MTMR8: variants seen among roughly 807,000 people sequenced by gnomAD.
MTMR8 encodes the protein phosphatidylinositol-3,5-bisphosphate 3-phosphatase MTMR8.
MTMR8 carries 65 observed loss-of-function variants against 39.3 expected under a neutral mutation model. The ratio of observed to expected loss-of-function variants is 1.65; its 90% CI spans 1.35 to 2.03. MTMR8 has a LOEUF of 2.03. Ranked by LOEUF, MTMR8 falls within the 30% of genes most tolerant of loss-of-function variation. The pLI is 0.00. For synonymous variants in MTMR8, 245 were observed against 185.2 expected, an observed-to-expected ratio of 1.32 and a Z score of -2.62; for missense variants, 777 against 538.9, an observed-to-expected ratio of 1.44 and a Z score of -4.37.
chrX:64,280,920 G>A (rs751149781), intron 12 of MTMR8, among the ~76,000 whole-genome samples: 1 of 111,255 alleles, frequency 9.0e-6, no homozygotes, highest in South Asian at 3.8e-4. Context: ...CAAGCAGAGA[G>A]TCAAATCATG....
chrX:64,278,900 C>T (rs1931943828), intron 12 of MTMR8, among the ~76,000 whole-genome samples: 1 of 111,798 alleles, frequency 8.9e-6, no homozygotes, highest in African/African-American at 3.3e-5. Context: ...CCAGTGGAGG[C>T]TGCAGAATAG....
At position 64,378,692 on chromosome X, in the gene MTMR8, C is replaced by T. The variant is rs1274876439; in HGVS notation, c.24+16648G>A. Among the ~76,000 whole-genome samples the T allele has an allele frequency of 4.5e-5, 5 of 111,806 alleles. No individual in the cohort carries two copies. The Admixed American group carries it at 4.7e-4, about 11-fold the overall frequency. On this transcript the variant is annotated intron_variant, in intron 1 of 13. Coordinates refer to ENST00000374852, the MANE Select transcript of MTMR8 (RefSeq NM_017677.4). Reference sequence around the variant, plus strand: ...ATAGCATTGAATGCATATATTAGAACAAAGAAAAATCTAAGGTCAATAATC... The same window carrying T: ...ATAGCATTGAATGCATATATTAGAATAAAGAAAAATCTAAGGTCAATAATC...
chrX:64,370,831 C>G (rs149914744), intron 1 of MTMR8, among the ~76,000 whole-genome samples: 1,589 of 111,443 alleles, frequency 0.014, 35 homozygotes, highest in African/African-American at 0.048. Flanking sequence ...GACTGTAACT[C>G]TAAATGTGCT....
rs768651748 is a variant in MTMR8 at position 64,330,829 on chromosome X, C to T, written c.1352+728G>A. On this transcript the variant is annotated intron_variant, in intron 11 of 13. Transcript: ENST00000374852. ...ATCATGAGAAAATAGTCTAGTATTG[C>T]CAGAGCTCCTGATTTTTCAGAATAT... Among the ~76,000 whole-genome samples the T allele has an allele frequency of 5.4e-5, 6 of 111,560 alleles. No homozygotes were observed. The South Asian group carries it at 2.2e-3, about 42-fold the overall frequency.
In MTMR8 at chrX:64,268,553, T is replaced by C. The variant is rs1419140511; in HGVS notation, c.2099A>G (p.Tyr700Cys). 15 of 1,205,398 alleles carry C rather than the reference T, an allele frequency of 1.2e-5. No homozygotes were observed. In the East Asian group the frequency reaches 4.1e-4, roughly 33 times the overall value. The change falls in exon 14 of 14, where the codon TAC becomes TGC. Residue 700 changes from tyrosine to cysteine, a missense_variant. Coordinates refer to ENST00000374852, the MANE Select transcript of MTMR8 (RefSeq NM_017677.4). ...ISKASTKEADYSKHQ is the reference protein window; with the variant it reads ...ISKASTKEADCSKHQ ...GTAACTAACTCACTGATGCTTGGAG[T>C]AGTCTGCCTCCTTGGTGCTGGCCTT...
intron 5 of MTMR8, among the ~76,000 whole-genome samples, chrX:64,349,427 C>T (rs6653194): frequency 0.084 from 9,304 of 111,162 alleles, 1,022 homozygotes; most frequent in African/African-American, 0.29. Flanking sequence ...CGGTTGCCCA[C>T]CTGACAACTT....
At chrX:64,284,284 A>G in intron 12 of MTMR8, among the ~76,000 whole-genome samples, 1 of 112,034 alleles carries the variant, frequency 8.9e-6, no homozygotes, top group Non-Finnish European at 1.9e-5. Context: ...AAAAAGAATA[A>G]AAAGAAACGA....
intron 1 of MTMR8, among the ~76,000 whole-genome samples, chrX:64,383,863 C>T (rs1924495027): frequency 9.0e-6 from 1 of 111,306 alleles, no homozygotes; most frequent in Non-Finnish European, 1.9e-5. Context: ...ATCTCATGTC[C>T]TACTCACATT....
chrX:64,395,269 G>A, intron 1 of MTMR8, 71 bp downstream of exon 1: 2 of 1,088,579 alleles, frequency 1.8e-6, no homozygotes, highest in African/African-American at 3.6e-5. Flanking sequence ...CTGAGGAGGT[G>A]TGTCTGGGCT....
chrX:64,354,386 A>G (rs1334393809), intron 4 of MTMR8, among the ~76,000 whole-genome samples: 1 of 111,679 alleles, frequency 9.0e-6, no homozygotes, highest in African/African-American at 3.3e-5. Context: ...TGATCATTAC[A>G]TATTGTATGC....
At chrX:64,319,732 C>A (rs1039605101) in intron 12 of MTMR8, among the ~76,000 whole-genome samples, 12 of 110,825 alleles carry the variant, frequency 1.1e-4, no homozygotes, top group African/African-American at 4.0e-4. Context: ...GGCATTATTT[C>A]TGAGGGCTCT....
intron 11 of MTMR8, 52 bp from the exon 12 acceptor site, chrX:64,328,952 C>G (rs773378222): frequency 9.0e-7 from 1 of 1,116,977 alleles, no homozygotes; most frequent in East Asian, 3.3e-5. Context: ...AGCAAGTAAT[C>G]TCAATAGTCC....
chrX:64,385,514 G>A (rs763657752), intron 1 of MTMR8, among the ~76,000 whole-genome samples: 1 of 111,689 alleles, frequency 9.0e-6, no homozygotes, highest in East Asian at 2.8e-4. Flanking sequence ...CTGGGACTGG[G>A]TAATTTATAA....
At chrX:64,307,189 G>T (rs996345559) in intron 12 of MTMR8, among the ~76,000 whole-genome samples, 2 of 111,906 alleles carry the variant, frequency 1.8e-5, no homozygotes, top group African/African-American at 6.5e-5. Flanking sequence ...GTTATTTGTA[G>T]TATTTTCTCC....
intron 12 of MTMR8, among the ~76,000 whole-genome samples, chrX:64,286,085 T>C (rs1921161660): frequency 9.0e-6 from 1 of 111,081 alleles, no homozygotes; most frequent in South Asian, 3.8e-4. Context: ...CCAGCAAGAC[T>C]AATAAAGAAT....
chrX:64,358,850 C>CACAA (rs1366651243), intron 2 of MTMR8, among the ~76,000 whole-genome samples: 3 of 107,631 alleles, frequency 2.8e-5, no homozygotes, highest in Non-Finnish European at 3.9e-5. Flanking sequence ...CATGCACACA[C>CACAA]ACACACACAC....
chrX:64,315,469 C>T (rs980439109), intron 12 of MTMR8, among the ~76,000 whole-genome samples: 1 of 112,042 alleles, frequency 8.9e-6, no homozygotes, highest in African/African-American at 3.2e-5. Context: ...CCCTTGGTGG[C>T]AGCTGTTCCA....
At chrX:64,292,210 G>A (rs758870714) in intron 12 of MTMR8, among the ~76,000 whole-genome samples, 3 of 112,053 alleles carry the variant, frequency 2.7e-5, no homozygotes, top group African/African-American at 9.7e-5. Flanking sequence ...CTTGCAAGCA[G>A]CTAGTAGTCC....
intron 12 of MTMR8, 52 bp from the exon 13 acceptor site, chrX:64,271,125 TG>T: frequency 1.8e-6 from 2 of 1,095,076 alleles, no homozygotes; most frequent in Non-Finnish European, 2.4e-6. Flanking sequence ...CTGGAGTAAT[TG>T]ATTACCAATG....
Sources: allele counts gnomAD v4.1 joint callset (sites outside exome capture counted in the v4.1 genomes callset), GRCh38; gene constraint gnomAD v4.1.1; transcripts MANE v1.5; gene names NCBI Gene and HGNC (gene_info 2026-07-23, HGNC 2026-07-21).